Variants in CYP4X1 observed in about 807,000 individuals in gnomAD.
CYP4X1 encodes the protein cytochrome P450 family 4 subfamily X member 1.
A neutral mutation model predicts 57.9 loss-of-function variants in CYP4X1; 44 were observed. The observed-to-expected ratio is 0.76, with a 90% CI of 0.60 to 0.98. CYP4X1 has a LOEUF of 0.98. CYP4X1 is among the 50% of genes least tolerant of loss of function. The pLI is 0.00. For missense variants in CYP4X1, 532 were observed against 623.9 expected, an observed-to-expected ratio of 0.85 and a Z score of 1.57; for synonymous variants, 227 against 228.6, an observed-to-expected ratio of 0.99 and a Z score of 0.06.
the CYP4X1 span, among the ~76,000 whole-genome samples, chr1:47,005,703 A>C: frequency 1.3e-5 from 2 of 152,240 alleles, no homozygotes; most frequent in Non-Finnish European, 2.9e-5. Flanking sequence ...TTTACTAAAA[A>C]AGCTGGCTTT....
At chr1:47,023,073 A>G (rs143342117), upstream of CYP4X1, among the ~76,000 whole-genome samples, 1 of 152,252 alleles carries the variant, frequency 6.6e-6, no homozygotes. Context: ...TGAACCCAGA[A>G]GAGCATATGC....
At chr1:47,023,069 C>G (rs1644015978), upstream of CYP4X1, among the ~76,000 whole-genome samples, 1 of 152,242 alleles carries the variant, frequency 6.6e-6, no homozygotes, top group African/African-American at 2.4e-5. Flanking sequence ...GCTCTGAACC[C>G]AGAAGAGCAT....
At chr1:47,042,101 T>C (rs1186841494) in intron 8 of CYP4X1, among the ~76,000 whole-genome samples, 2 of 152,116 alleles carry the variant, frequency 1.3e-5, no homozygotes, top group African/African-American at 4.8e-5. Flanking sequence ...TGTGGGTGTA[T>C]TTCTGGACTC....
At chr1:47,023,365 A>G (rs185545195), upstream of CYP4X1, among the ~76,000 whole-genome samples, 133 of 152,316 alleles carry the variant, frequency 8.7e-4, no homozygotes, top group African/African-American at 3.2e-3. Flanking sequence ...ATAAAGGAAT[A>G]ATGATGGTAC....
chr1:47,012,636 T>C, the CYP4X1 span, among the ~76,000 whole-genome samples: 1 of 151,922 alleles, frequency 6.6e-6, no homozygotes, highest in Non-Finnish European at 1.5e-5. Context: ...TGTGAAGTAA[T>C]ACACATGCCA....
chr1:47,039,908 C>T (rs560518544), intron 8 of CYP4X1, among the ~76,000 whole-genome samples: 1 of 152,184 alleles, frequency 6.6e-6, no homozygotes, highest in South Asian at 2.1e-4. Context: ...GAATGATTAG[C>T]TGCATTATTT....
At chr1:46,977,146 G>A in the CYP4X1 span, among the ~76,000 whole-genome samples, 2 of 152,218 alleles carry the variant, frequency 1.3e-5, no homozygotes, top group African/African-American at 4.8e-5. Flanking sequence ...GCAGAAGTAG[G>A]TTTCAGAAGG....
chr1:47,007,274 T>G, the CYP4X1 span, among the ~76,000 whole-genome samples: 17 of 152,092 alleles, frequency 1.1e-4, no homozygotes, highest in Non-Finnish European at 1.6e-4. Flanking sequence ...TTCACCAACA[T>G]CCGCTGTTCT....
chr1:47,028,017 C>T (rs1212811771), intron 1 of CYP4X1, among the ~76,000 whole-genome samples: 1 of 152,168 alleles, frequency 6.6e-6, no homozygotes, highest in Non-Finnish European at 1.5e-5. Context: ...ATAATAGGTG[C>T]TCAATAAATC....
At chr1:47,003,805 C>A in the CYP4X1 span, among the ~76,000 whole-genome samples, 1 of 152,166 alleles carries the variant, frequency 6.6e-6, no homozygotes, top group African/African-American at 2.4e-5. Flanking sequence ...GATATTTCAA[C>A]ATGAGATTTG....
At chr1:46,969,675 T>C in the CYP4X1 span, among the ~76,000 whole-genome samples, 2 of 152,336 alleles carry the variant, frequency 1.3e-5, no homozygotes, top group East Asian at 3.9e-4. Flanking sequence ...AATTATAGAG[T>C]GTACCTGTCC....
In CYP4X1 at chr1:47,023,962, C is replaced by G. The variant is rs1389578614; in HGVS notation, c.145C>G (p.Pro49Ala). The change falls in exon 1 of 12, where the codon CCC becomes GCC. Residue 49 changes from proline (P) to alanine (A), a missense_variant. Pro to Ala is a conservative substitution (Grantham distance 27). Transcript: ENST00000371901. ...GCGGGACCTGCGCCCCTTCCCAGCG[C>G]CCCCCACCCACTGGTTCCTTGGGCA... ...LLRDLRPFPA[P>A]PTHWFLGHQK... 3 of 1,612,698 alleles carry G rather than the reference C, an allele frequency of 1.9e-6. No individual in the cohort carries two copies. Among genetic ancestry groups the G allele is most frequent in the African/African-American group, 2.7e-5 (2 of 74,834 alleles).
intron 10 of CYP4X1, among the ~76,000 whole-genome samples, chr1:47,049,201 C>T (rs1644335029): frequency 1.3e-5 from 2 of 152,120 alleles, no homozygotes; most frequent in Admixed American, 1.3e-4. Context: ...GAAACATTTC[C>T]TTTTAGTAAT....
chr1:47,030,724 T>A (rs1644115848), intron 2 of CYP4X1, among the ~76,000 whole-genome samples: 1 of 152,238 alleles, frequency 6.6e-6, no homozygotes, highest in Non-Finnish European at 1.5e-5. Context: ...TTTTGCCCTG[T>A]CAACTTTGTA....
intron 6 of CYP4X1, among the ~76,000 whole-genome samples, chr1:47,038,346 A>G (rs1432193346): frequency 6.6e-6 from 1 of 152,058 alleles, no homozygotes; most frequent in Admixed American, 6.6e-5. Context: ...ATTTTATTTA[A>G]TAACTTTTCC....
chr1:46,971,996 T>C, the CYP4X1 span, among the ~76,000 whole-genome samples: 3 of 152,238 alleles, frequency 2.0e-5, no homozygotes, highest in African/African-American at 7.2e-5. Flanking sequence ...GTCTTCATCA[T>C]AAATTATTTG....
chr1:46,971,832 T>C, the CYP4X1 span, among the ~76,000 whole-genome samples: 1 of 152,160 alleles, frequency 6.6e-6, no homozygotes, highest in Non-Finnish European at 1.5e-5. Flanking sequence ...TTCTGGATAT[T>C]AGACCTCTGT....
At chr1:47,044,610 A>C (rs542719161) in intron 8 of CYP4X1, among the ~76,000 whole-genome samples, 2 of 152,136 alleles carry the variant, frequency 1.3e-5, no homozygotes, top group Admixed American at 1.3e-4. Context: ...TTCAATTTTC[A>C]TGTTGTTAAT....
chr1:46,990,184 A>C, the CYP4X1 span, among the ~76,000 whole-genome samples: 3 of 152,242 alleles, frequency 2.0e-5, no homozygotes, highest in Non-Finnish European at 4.4e-5. Flanking sequence ...ATCTACAAAG[A>C]ACATAAACAA....
Sources: gnomAD v4.1 joint callset for allele counts (sites outside exome capture counted in the v4.1 genomes callset) on GRCh38, gnomAD v4.1.1 for gene constraint, MANE v1.5 for transcripts, NCBI Gene and HGNC (gene_info 2026-07-23, HGNC 2026-07-21) for gene names.